HMGCL: variants seen among roughly 807,000 people sequenced by gnomAD.
HMGCL encodes the protein hydroxymethylglutaryl-CoA lyase, mitochondrial.
A neutral mutation model predicts 37.3 loss-of-function variants in HMGCL; 26 were observed. That is an observed-to-expected ratio of 0.70 (90% CI 0.51 to 0.97). The LOEUF is 0.97. Among genes scored for constraint, HMGCL ranks in the 50% least tolerant of loss-of-function variants. The pLI is 0.00. For synonymous variants in HMGCL, 151 were observed against 148.0 expected, an observed-to-expected ratio of 1.02 and a Z score of -0.15; for missense variants, 379 against 398.1, an observed-to-expected ratio of 0.95 and a Z score of 0.41.
At chr1:23,805,145 G>A (rs958461461) in intron 7 of HMGCL, among the ~76,000 whole-genome samples, 2 of 152,038 alleles carry the variant, frequency 1.3e-5, no homozygotes, top group Admixed American at 6.5e-5. Flanking sequence ...TGGGCCTACA[G>A]ACCCACTGTC....
chr1:23,824,831 G>A (rs1332024347), intron 1 of HMGCL, among the ~76,000 whole-genome samples: 1 of 152,094 alleles, frequency 6.6e-6, no homozygotes, highest in Admixed American at 6.6e-5. Context: ...CTTTTTCTGC[G>A]CTGAGAATGG....
rs976765692 is a variant in HMGCL, at chr1:23,802,253, C to G, written c.*210G>C. The G allele has an allele frequency of 1.2e-5, 7 of 607,260 alleles. No homozygotes were observed. The Admixed American group carries it at 2.0e-4, about 18-fold the overall frequency. The allele number at this position is 607,260 out of a possible 1,614,324, so 37.6% of individuals were successfully genotyped here. ...AGGGAGACTTCAGCCCTCAAAGCCT[C>G]TCACTCCTCAGGTCTGGGCAGGAGG... On this transcript the variant is annotated 3_prime_UTR_variant, in exon 9 of 9. Transcript: ENST00000374490.
chr1:23,807,018 C>G (rs754180309), intron 7 of HMGCL: 2 of 519,004 alleles, frequency 3.9e-6, no homozygotes, highest in East Asian at 1.1e-4. Context: ...TACTGCCAGA[C>G]GTCACACAGC....
At chr1:23,821,334 G>C (rs1357374745) in intron 1 of HMGCL, among the ~76,000 whole-genome samples, 1 of 151,426 alleles carries the variant, frequency 6.6e-6, no homozygotes, top group Non-Finnish European at 1.5e-5. Flanking sequence ...TCCACCTTGG[G>C]CGACAGAGGA....
chr1:23,812,075 C>T (rs1032634456), intron 5 of HMGCL, among the ~76,000 whole-genome samples: 1 of 152,232 alleles, frequency 6.6e-6, no homozygotes, highest in Non-Finnish European at 1.5e-5. Context: ...GACTGAGTGC[C>T]CACTGTGGCT....
Position 23,802,082 on chromosome 1 carries a change from A to G in HMGCL, c.*381T>C. The G allele has an allele frequency of 2.0e-6, 1 of 498,062 alleles. No homozygotes were observed. Among genetic ancestry groups the G allele is most frequent in the Non-Finnish European group, 3.5e-6 (1 of 283,420 alleles). 30.9% of individuals were successfully genotyped at this position (498,062 alleles called of 1,614,324 possible). A position where few individuals can be genotyped will look rare whatever the true frequency, so the allele number is the denominator to read the frequency against. ...GTCAGAGAGCAAGGGCCCCACGGCCATGGCAGGGTGGAGCCGTGTAGAGGG... is the reference window on the plus strand; with the variant it reads ...GTCAGAGAGCAAGGGCCCCACGGCCGTGGCAGGGTGGAGCCGTGTAGAGGG... On this transcript the variant is annotated 3_prime_UTR_variant, in exon 9 of 9. Coordinates refer to ENST00000374490, the MANE Select transcript of HMGCL (RefSeq NM_000191.3).
chr1:23,818,407 T>C (rs1638653911), intron 2 of HMGCL, among the ~76,000 whole-genome samples: 1 of 152,134 alleles, frequency 6.6e-6, no homozygotes. Context: ...TGAGCAATGA[T>C]TGTGCCACTG....
intron 6 of HMGCL, 21 bp downstream of exon 6, chr1:23,810,715 C>G (rs376148350): frequency 4.3e-6 from 7 of 1,612,580 alleles, no homozygotes; most frequent in South Asian, 1.1e-5. Flanking sequence ...CCAAACCCCC[C>G]GCCCTGACAC....
chr1:23,825,389 C>A lies in HMGCL; in HGVS notation c.27G>T (p.Pro9=), dbSNP rs1337954372. The change falls in exon 1 of 9, where the codon CCG becomes CCT. Residue 9 remains proline (P), a synonymous_variant. Transcript: ENST00000374490. The part of the protein sequence containing the change: MAAMRKAL[P]RRLVGLASLR... Reference sequence around the variant, plus strand: ...GGGACGCCAAGCCCACCAGTCGCCGCGGAAGCGCCTTCCTCATTGCTGCCA... The same window carrying A: ...GGGACGCCAAGCCCACCAGTCGCCGAGGAAGCGCCTTCCTCATTGCTGCCA... 1.9e-6 allele frequency: 3 copies of A among 1,561,332 alleles called. No individual in the cohort carries two copies. Among genetic ancestry groups the A allele is most frequent in the Non-Finnish European group, 2.6e-6 (3 of 1,153,412 alleles).
At chr1:23,818,215 T>C (rs1638650178) in intron 2 of HMGCL, among the ~76,000 whole-genome samples, 1 of 152,126 alleles carries the variant, frequency 6.6e-6, no homozygotes, top group Non-Finnish European at 1.5e-5. Context: ...TCCCAGCACT[T>C]TGGGAGGCTG....
Position 23,806,929 on chromosome 1 carries a change from T to TAG in HMGCL, c.750+1205_750+1206insCT. ...GGGCAGGGATTGGGTCTTGTTACCA[T>TAG]TGTCTAAGTCAGCACTTAACCTGGC... On this transcript the variant is annotated intron_variant, in intron 7 of 8. Coordinates refer to ENST00000374490, the MANE Select transcript of HMGCL (RefSeq NM_000191.3). This position sits in a 1 kb window ranked among gnomAD's most constrained non-coding sequence, Gnocchi z 4.0. The TAG allele has an allele frequency of 3.9e-6, 2 of 518,108 alleles. No homozygotes were observed. The highest frequency in any genetic ancestry group is 2.8e-5 in the South Asian group (2 of 71,502). The allele number at this position is 518,108 out of a possible 1,614,324, so 32.1% of individuals were successfully genotyped here. A position where few individuals can be genotyped will look rare whatever the true frequency, so the allele number is the denominator to read the frequency against.
intron 7 of HMGCL, among the ~76,000 whole-genome samples, chr1:23,805,864 A>G (rs548238007): frequency 6.6e-6 from 1 of 151,562 alleles, no homozygotes; most frequent in Admixed American, 6.6e-5. Context: ...CCTCCTTGCC[A>G]TGTCTCTCAC....
chr1:23,824,527 C>T (rs908744258), intron 1 of HMGCL, among the ~76,000 whole-genome samples: 3 of 152,166 alleles, frequency 2.0e-5, no homozygotes, highest in Non-Finnish European at 4.4e-5. Context: ...GACCCAGTGC[C>T]AGGAGTGTAT....
chr1:23,816,666 T>C lies in HMGCL; in HGVS notation c.348+9A>G, dbSNP rs1638618955. 1 of 1,561,374 alleles carries C rather than the reference T, an allele frequency of 6.4e-7. No individual in the cohort carries two copies. The highest frequency in any genetic ancestry group is 1.7e-5 in the Admixed American group (1 of 59,948). ...TTCAGGAGCCCCCACCAACAAGCTA[T>C]CCTCTTACCGCTGCCTCGAAGCCTT... On this transcript the variant is annotated intron_variant, in intron 4 of 8. Coordinates refer to ENST00000374490, the MANE Select transcript of HMGCL (RefSeq NM_000191.3).
Position 23,810,716 on chromosome 1 carries a change from G to A in HMGCL, c.561+20C>T, listed in dbSNP as rs781059597. 1.3e-5 allele frequency: 21 copies of A among 1,612,220 alleles called. No homozygotes were observed. The highest frequency in any genetic ancestry group is 2.7e-5 in the African/African-American group (2 of 74,836). On this transcript the variant is annotated intron_variant, in intron 6 of 8. Transcript: ENST00000374490. ...GTGGCCAACCCTCACCAAACCCCCCGCCCTGACACATGCACACACCTCAGC... is the reference window on the plus strand; with the variant it reads ...GTGGCCAACCCTCACCAAACCCCCCACCCTGACACATGCACACACCTCAGC...
Position 23,808,315 on chromosome 1 carries a change from C to G in HMGCL, c.570G>C (p.Lys190Asn). The change falls in exon 7 of 9, where the codon AAG becomes AAC. Residue 190 changes from lysine to asparagine, a missense_variant. Coordinates refer to ENST00000374490, the MANE Select transcript of HMGCL (RefSeq NM_000191.3). ...ISPAKVAEVTKKFYSMGCYEI... is the reference protein window; with the variant it reads ...ISPAKVAEVTNKFYSMGCYEI... ...CGTAGCAGCCCATTGAGTAGAACTT[C>G]TTGGTGACCTAAGGAAGCAAGCAGG... is the stretch of plus-strand genomic sequence containing the variant. 1 of 1,613,942 alleles carries G rather than the reference C, an allele frequency of 6.2e-7. No homozygotes were observed. Among genetic ancestry groups the G allele is most frequent in the Non-Finnish European group, 8.5e-7 (1 of 1,179,902 alleles).
chr1:23,821,038 T>C (rs753421598), intron 1 of HMGCL, among the ~76,000 whole-genome samples: 26 of 152,234 alleles, frequency 1.7e-4, no homozygotes, highest in Admixed American at 5.2e-4. Context: ...TATGCTGCTG[T>C]ATGTATGTTA....
At chr1:23,823,453 AGT>A (rs749584504) in intron 1 of HMGCL, among the ~76,000 whole-genome samples, 5 of 151,736 alleles carry the variant, frequency 3.3e-5, no homozygotes, top group African/African-American at 9.7e-5. Flanking sequence ...CCCAGGTTCA[AGT>A]GATTCTCCTG....
chr1:23,809,239 T>TGTATA (rs61608386), intron 6 of HMGCL: 1 of 75,434 alleles, frequency 1.3e-5, no homozygotes, highest in Non-Finnish European at 2.4e-5. Flanking sequence ...TATATATATA[T>TGTATA]TTTTTTTTTT....
Sources: gnomAD v4.1 joint callset for allele counts (sites outside exome capture counted in the v4.1 genomes callset) on GRCh38, gnomAD v4.1.1 for gene constraint, Gnocchi (gnomAD v3.1) non-coding constraint, MANE v1.5 for transcripts, NCBI Gene and HGNC (gene_info 2026-07-23, HGNC 2026-07-21) for gene names.